Variants in SMIM31 observed in about 807,000 individuals in gnomAD.
The protein encoded by SMIM31 is small integral membrane protein 31.
chr4:164,760,616 T>C (rs1382543995), intron 1 of SMIM31, among the ~76,000 whole-genome samples: 4 of 150,636 alleles, frequency 2.7e-5, no homozygotes, highest in Non-Finnish European at 5.9e-5. Context: ...GGTGGGCGCC[T>C]GTAATCCTAG....
In SMIM31 at chr4:164,803,239, A is replaced by G. The variant is rs899121651; in HGVS notation, c.*2045A>G. On this transcript the variant is annotated 3_prime_UTR_variant, in exon 3 of 3. Coordinates refer to ENST00000507311, the MANE Select transcript of SMIM31 (RefSeq NM_001352885.1). The stretch of plus-strand genomic sequence containing the variant: ...TCCCTTAGCCCATCTTACATATATT[A>G]CTGCATTGACTGGAAATGGGAGGCA... 2 of 152,136 alleles carry G rather than the reference A, an allele frequency of 1.3e-5. No homozygotes were observed. Among genetic ancestry groups the G allele is most frequent in the Non-Finnish European group, 2.9e-5 (2 of 68,044 alleles). The allele number at this position is 152,136 out of a possible 1,614,324, so 9.4% of individuals were successfully genotyped here. A position where few individuals can be genotyped will look rare whatever the true frequency, so the allele number is the denominator to read the frequency against.
At chr4:164,786,576 A>C (rs4539996) in intron 2 of SMIM31, among the ~76,000 whole-genome samples, 93,193 of 152,082 alleles carry the variant, frequency 0.61, 29,656 homozygotes, top group African/African-American at 0.79. Context: ...CTAGAATTCT[A>C]GTGCTCTTTT....
chr4:164,770,893 ACATGGTTACCACATGGTAAC>A (rs1429266003), intron 2 of SMIM31, among the ~76,000 whole-genome samples: 2 of 152,208 alleles, frequency 1.3e-5, no homozygotes, highest in Non-Finnish European at 2.9e-5. Context: ...TGTGCCCACC[ACATGGTTACCACATGGTAAC>A]CATAGTTACC....
chr4:164,758,821 T>A (rs1579059089), intron 1 of SMIM31, among the ~76,000 whole-genome samples: 1 of 108,358 alleles, frequency 9.2e-6, no homozygotes, highest in East Asian at 2.6e-4. Context: ...TTTTTTTTTT[T>A]TTTTTTTTTT....
intron 1 of SMIM31, among the ~76,000 whole-genome samples, chr4:164,762,268 A>G (rs1402791305): frequency 6.6e-6 from 1 of 152,232 alleles, no homozygotes; most frequent in East Asian, 1.9e-4. Context: ...AATTTTAGGG[A>G]TTCTAAAGAC....
chr4:164,800,356 C>T (rs150307382), intron 2 of SMIM31, among the ~76,000 whole-genome samples: 63 of 152,042 alleles, frequency 4.1e-4, no homozygotes, highest in African/African-American at 1.1e-3. Flanking sequence ...ATTACAGACG[C>T]GCCACCATGC....
At chr4:164,793,091 A>G (rs1420312740) in intron 2 of SMIM31, among the ~76,000 whole-genome samples, 1 of 152,208 alleles carries the variant, frequency 6.6e-6, no homozygotes, top group East Asian at 1.9e-4. Context: ...TCATTACATT[A>G]AGCAAATATA....
chr4:164,756,913 T>C (rs1463708359), intron 1 of SMIM31, among the ~76,000 whole-genome samples: 1 of 152,210 alleles, frequency 6.6e-6, no homozygotes, highest in African/African-American at 2.4e-5. Flanking sequence ...TCTGAACATA[T>C]GTTTTCAGTC....
At chr4:164,787,808 T>G (rs1219542522) in intron 2 of SMIM31, among the ~76,000 whole-genome samples, 1 of 152,238 alleles carries the variant, frequency 6.6e-6, no homozygotes, top group Non-Finnish European at 1.5e-5. Flanking sequence ...GTCTTTTTAG[T>G]GCTTTACGTC....
At chr4:164,781,437 T>TAA (rs1378814950) in intron 2 of SMIM31, among the ~76,000 whole-genome samples, 1 of 152,340 alleles carries the variant, frequency 6.6e-6, no homozygotes, top group African/African-American at 2.4e-5. Flanking sequence ...AATACATTTA[T>TAA]AAACCAGAAT....
intron 2 of SMIM31, chr4:164,787,305 A>C (rs2110953242): frequency 6.6e-6 from 1 of 152,256 alleles, no homozygotes; most frequent in Non-Finnish European, 1.5e-5. Flanking sequence ...CACTTTGGCA[A>C]CACATGCACT....
intron 1 of SMIM31, among the ~76,000 whole-genome samples, chr4:164,764,682 G>A (rs1732697257): frequency 6.6e-6 from 1 of 152,040 alleles, no homozygotes; most frequent in Admixed American, 6.6e-5. Context: ...CACTTTAGAG[G>A]GATTTGGAAG....
chr4:164,773,429 G>A (rs1367172593), intron 2 of SMIM31, among the ~76,000 whole-genome samples: 3 of 152,182 alleles, frequency 2.0e-5, no homozygotes, highest in Non-Finnish European at 4.4e-5. Flanking sequence ...GCATGGCTGG[G>A]GAGGCCTCAG....
chr4:164,773,945 T>A (rs1006534010), intron 2 of SMIM31, among the ~76,000 whole-genome samples: 4 of 151,950 alleles, frequency 2.6e-5, no homozygotes, highest in African/African-American at 9.7e-5. Flanking sequence ...GGCGGGCGGA[T>A]CACAAGGTCA....
chr4:164,769,426 G>A (rs1037376165), intron 1 of SMIM31, among the ~76,000 whole-genome samples: 3 of 151,452 alleles, frequency 2.0e-5, no homozygotes, highest in Non-Finnish European at 4.4e-5. Flanking sequence ...AAAAAATGAT[G>A]AGTTCATGTC....
At chr4:164,800,719 TTC>T (rs1165991149) in intron 2 of SMIM31, among the ~76,000 whole-genome samples, 1 of 152,104 alleles carries the variant, frequency 6.6e-6, no homozygotes, top group Non-Finnish European at 1.5e-5. Context: ...CTCTACAGCT[TTC>T]TCTGTCTTTA....
At chr4:164,778,516 T>C (rs938388518) in intron 2 of SMIM31, among the ~76,000 whole-genome samples, 1 of 152,198 alleles carries the variant, frequency 6.6e-6, no homozygotes, top group African/African-American at 2.4e-5. Flanking sequence ...TTGGGTTGTC[T>C]GCAAAATAAG....
intron 2 of SMIM31, among the ~76,000 whole-genome samples, chr4:164,789,713 G>C (rs1208104866): frequency 6.6e-6 from 1 of 152,212 alleles, no homozygotes; most frequent in African/African-American, 2.4e-5. Context: ...AAATGTGTTT[G>C]CATTACCACA....
intron 1 of SMIM31, among the ~76,000 whole-genome samples, chr4:164,762,662 C>CAAAAAAAAAAAAAAAAAAAAAAAAAAA (rs1162067333): frequency 2.0e-5 from 2 of 100,078 alleles, no homozygotes; most frequent in Admixed American, 1.2e-4. Flanking sequence ...GACTCTGTCT[C>CAAAAAAAAAAAAAAAAAAAAAAAAAAA]AAAAAAAAAA....
Sources: allele counts gnomAD v4.1 joint callset (sites outside exome capture counted in the v4.1 genomes callset), GRCh38; gene constraint gnomAD v4.1.1; transcripts MANE v1.5; gene names NCBI Gene and HGNC (gene_info 2026-07-23, HGNC 2026-07-21).